TMCO4: variants seen among roughly 807,000 people sequenced by gnomAD.
TMCO4 encodes transmembrane and coiled-coil domain-containing protein 4.
In TMCO4, 58 loss-of-function variants were observed where a neutral mutation model predicts 64.7. The observed-to-expected ratio is 0.90, with a 90% CI of 0.73 to 1.12. The LOEUF (loss-of-function observed/expected upper bound fraction) is 1.12. Ranked by LOEUF, TMCO4 falls within the 50% of genes most tolerant of loss-of-function variation. The pLI, the probability that TMCO4 is intolerant of heterozygous loss-of-function variation, is 0.00. For synonymous variants in TMCO4, 325 were observed against 346.1 expected (o/e 0.94, Z 0.68); for missense variants, 780 against 825.9 (o/e 0.94, Z 0.68).
At chr1:19,717,012 C>A (rs2095359946) in intron 13 of TMCO4, among the ~76,000 whole-genome samples, 1 of 152,080 alleles carries the variant, frequency 6.6e-6, no homozygotes, top group East Asian at 1.9e-4. Context: ...CATGGTGAAA[C>A]CCCATCTCTA....
chr1:19,744,838 T>C (rs1294629498), intron 10 of TMCO4, among the ~76,000 whole-genome samples: 6 of 152,202 alleles, frequency 3.9e-5, no homozygotes, highest in Admixed American at 3.9e-4. Flanking sequence ...TCCCATTTAG[T>C]TACTCGGTCT....
Position 19,682,804 on chromosome 1 carries a change from G to T in TMCO4, c.*236C>A. 1.4e-6 allele frequency: 1 copy of T among 719,574 alleles called. No individual in the cohort carries two copies. Among genetic ancestry groups the T allele is most frequent in the Non-Finnish European group, 2.6e-6 (1 of 390,056 alleles). The allele number at this position is 719,574 out of a possible 1,614,324, so 44.6% of individuals were successfully genotyped here. On this transcript the variant is annotated 3_prime_UTR_variant, in exon 16 of 16. Coordinates refer to ENST00000294543, the MANE Select transcript of TMCO4 (RefSeq NM_181719.7). Reference sequence around the variant, plus strand: ...GACTCTGCAGGTCTCTGATGAGGGGGCAGCTGCTCCCTGGTGGGGCTCCTC... The same window carrying T: ...GACTCTGCAGGTCTCTGATGAGGGGTCAGCTGCTCCCTGGTGGGGCTCCTC...
chr1:19,754,222 G>A (rs1053420890), intron 7 of TMCO4, among the ~76,000 whole-genome samples: 7 of 152,120 alleles, frequency 4.6e-5, no homozygotes, highest in Non-Finnish European at 8.8e-5. Context: ...CGGGTAATAC[G>A]TTTCTCTCTG....
chr1:19,699,542 C>G (rs1463902190), intron 14 of TMCO4, among the ~76,000 whole-genome samples: 1 of 150,708 alleles, frequency 6.6e-6, no homozygotes, highest in Admixed American at 6.6e-5. Context: ...CGCTGCCACT[C>G]TCTCCCAGGC....
intron 11 of TMCO4, among the ~76,000 whole-genome samples, chr1:19,740,311 A>G (rs149107653): frequency 6.6e-6 from 1 of 152,232 alleles, no homozygotes; most frequent in Non-Finnish European, 1.5e-5. Context: ...AATAGATGTG[A>G]GGCTTGAAAT....
Position 19,780,742 on chromosome 1 carries a change from C to T in TMCO4, c.17G>A (p.Arg6Lys). The T allele has an allele frequency of 1.3e-6, 2 of 1,591,166 alleles. No individual in the cohort carries two copies. The highest frequency in any genetic ancestry group is 8.5e-7 in the Non-Finnish European group (1 of 1,173,376). Residue 6 changes from arginine to lysine, a missense_variant, in exon 4 of 16, where the codon AGG becomes AAG. Coordinates refer to ENST00000294543, the MANE Select transcript of TMCO4 (RefSeq NM_181719.7). ...CTGCTGAGGCAGCCTCTGGCATGGC[C>T]TGTTCCACATGGCCATTCCCAGCGC... MAMWN[R>K]PCQRLPQQPL...
chr1:19,740,298 A>G (rs950684330), intron 11 of TMCO4, among the ~76,000 whole-genome samples: 3 of 152,170 alleles, frequency 2.0e-5, no homozygotes, highest in East Asian at 1.9e-4. Flanking sequence ...TGCCAAAGAC[A>G]TTAATAGATG....
chr1:19,728,693 T>A (rs920288097), intron 13 of TMCO4, among the ~76,000 whole-genome samples: 4 of 152,198 alleles, frequency 2.6e-5, no homozygotes, highest in Admixed American at 2.6e-4. Context: ...TCCGTCTGCA[T>A]GAAGGCCCCT....
chr1:19,780,455 T>G, intron 4 of TMCO4, 125 bp downstream of exon 4: 1 of 1,203,442 alleles, frequency 8.3e-7, no homozygotes. Context: ...ACCCCTGCGT[T>G]AGAGGCAAGG....
chr1:19,779,565 T>C (rs913701452), intron 4 of TMCO4, among the ~76,000 whole-genome samples: 3 of 152,220 alleles, frequency 2.0e-5, no homozygotes, highest in African/African-American at 4.8e-5. Context: ...AGATGAAATA[T>C]AACGATGTCA....
Position 19,701,047 on chromosome 1 carries a change from CGCAAACAT to C in TMCO4, c.1265-170_1265-163del, listed in dbSNP as rs1363769581. 41 of 603,784 alleles carry C rather than the reference CGCAAACAT, an allele frequency of 6.8e-5. No homozygotes were observed. The African/African-American group carries it at 7.5e-4, about 11-fold the overall frequency. 37.4% of individuals were successfully genotyped at this position (603,784 alleles called of 1,614,324 possible). Reference sequence around the variant, plus strand: ...ATGTGCATGTACACACATGCAAACACGCAAACATGCATGGATAGGCATGGAGGCTTCTA... The same window carrying C: ...ATGTGCATGTACACACATGCAAACACGCATGGATAGGCATGGAGGCTTCTA... On this transcript the variant is annotated intron_variant, in intron 13 of 15. Transcript: ENST00000294543.
intron 2 of TMCO4, among the ~76,000 whole-genome samples, chr1:19,788,096 T>C (rs975990557): frequency 2.0e-5 from 3 of 152,216 alleles, no homozygotes; most frequent in African/African-American, 7.2e-5. Flanking sequence ...CAATACTTTT[T>C]ACCTCTTTAA....
chr1:19,702,285 CAAA>C (rs71010505), intron 13 of TMCO4, among the ~76,000 whole-genome samples: 2 of 102,930 alleles, frequency 1.9e-5, no homozygotes, highest in East Asian at 5.8e-4. Context: ...CTTGTCTTTA[CAAA>C]AAAAAAAAAA....
chr1:19,684,275 C>T (rs2095129905), intron 15 of TMCO4, among the ~76,000 whole-genome samples: 1 of 151,986 alleles, frequency 6.6e-6, no homozygotes, highest in Admixed American at 6.6e-5. Context: ...TGGGATTACA[C>T]GTGCATGCTA....
intron 6 of TMCO4, among the ~76,000 whole-genome samples, chr1:19,756,757 T>C (rs2042272733): frequency 6.6e-6 from 1 of 152,156 alleles, no homozygotes; most frequent in African/African-American, 2.4e-5. Flanking sequence ...CTTTGGAAGC[T>C]GATGGGGGAG....
intron 2 of TMCO4, among the ~76,000 whole-genome samples, chr1:19,792,972 C>T (rs768567106): frequency 8.6e-5 from 13 of 151,934 alleles, no homozygotes; most frequent in Non-Finnish European, 1.8e-4. Flanking sequence ...GGTTTCACCA[C>T]GTTGGCCAGG....
In TMCO4 at chr1:19,694,481, CG is replaced by C. The variant is rs1557459903; in HGVS notation, c.1452del (p.Val485CysfsTer13). ...SVQLRVAGLQ[P>X]VLLQDRRVEN... ...TCCACCCTCCTGTCCTGCAGCAGCA[CG>C]GGCTGTAGGCCGGCGACACGGAGCT... is the stretch of plus-strand genomic sequence containing the variant. On this transcript the variant is annotated frameshift_variant, in exon 15 of 16. Coordinates refer to ENST00000294543, the MANE Select transcript of TMCO4 (RefSeq NM_181719.7). LOFTEE classifies it low-confidence loss of function (END_TRUNC). The C allele has an allele frequency of 1.2e-6, 2 of 1,614,032 alleles. No individual in the cohort carries two copies. The highest frequency in any genetic ancestry group is 1.7e-6 in the Non-Finnish European group (2 of 1,179,998).
chr1:19,754,783 G>A (rs76012227), intron 7 of TMCO4, among the ~76,000 whole-genome samples: 4 of 152,242 alleles, frequency 2.6e-5, no homozygotes, highest in African/African-American at 4.8e-5. Flanking sequence ...TGATGGGTCC[G>A]GGACACGTCG....
At position 19,719,676 on chromosome 1, in the gene TMCO4, A is replaced by G. The variant is rs149374812; in HGVS notation, c.1264+17696T>C. On this transcript the variant is annotated intron_variant, in intron 13 of 15. Coordinates refer to ENST00000294543, the MANE Select transcript of TMCO4 (RefSeq NM_181719.7). Reference sequence around the variant, plus strand: ...CCCAAGCAGCTGGGGCTACAGATGTATACCACCATGTCTGGCTAATTAAAA... The same window carrying G: ...CCCAAGCAGCTGGGGCTACAGATGTGTACCACCATGTCTGGCTAATTAAAA... 1.4e-3 allele frequency among the ~76,000 whole-genome samples: 211 copies of G among 152,122 alleles called. 1 individual carries two copies. Among genetic ancestry groups the G allele is most frequent in the African/African-American group, 4.8e-3 (199 of 41,498 alleles).
Sources: gnomAD v4.1 joint callset for allele counts (sites outside exome capture counted in the v4.1 genomes callset) on GRCh38, gnomAD v4.1.1 for gene constraint, MANE v1.5 for transcripts, NCBI Gene and HGNC (gene_info 2026-07-23, HGNC 2026-07-21) for gene names.